The following ESF1 variants were observed in gnomAD, a reference collection of about 807,000 sequenced individuals.
ESF1 encodes the protein ESF1 homolog.
A neutral mutation model predicts 92.0 loss-of-function variants in ESF1; 58 were observed. The observed-to-expected ratio is 0.63, with a 90% CI of 0.51 to 0.78. The LOEUF (loss-of-function observed/expected upper bound fraction) is 0.78, where lower values mean the gene tolerates loss of function less well. ESF1 is among the 30% of genes least tolerant of loss of function. The pLI, the probability that ESF1 is intolerant of heterozygous loss-of-function variation, is 0.00. For missense variants in ESF1, 922 were observed against 989.1 expected, an observed-to-expected ratio of 0.93 and a Z score of 0.91; for synonymous variants, 321 against 313.7, an observed-to-expected ratio of 1.02 and a Z score of -0.24.
chr20:13,746,984 C>T (rs981156897), intron 9 of ESF1, among the ~76,000 whole-genome samples: 1 of 152,080 alleles, frequency 6.6e-6, no homozygotes, highest in African/African-American at 2.4e-5. Flanking sequence ...ATGGTAGACA[C>T]AATGACAATG....
At chr20:13,718,113 A>G (rs2147715410) in intron 12 of ESF1, among the ~76,000 whole-genome samples, 1 of 152,318 alleles carries the variant, frequency 6.6e-6, no homozygotes, top group East Asian at 1.9e-4. Context: ...GAATCAAGTA[A>G]ATAACCATGT....
chr20:13,778,277 G>T (rs148194084), intron 2 of ESF1, among the ~76,000 whole-genome samples: 121 of 152,206 alleles, frequency 7.9e-4, no homozygotes, highest in East Asian at 2.3e-3. Context: ...GCGCCAAAAT[G>T]AAAGCATTGT....
At position 13,733,740 on chromosome 20, in the gene ESF1, C is replaced by CT. The variant is rs1568712741; in HGVS notation, c.1930dup (p.Arg644LysfsTer11). The CT allele has an allele frequency of 1.2e-6, 2 of 1,611,654 alleles. No homozygotes were observed. Among genetic ancestry groups the CT allele is most frequent in the Non-Finnish European group, 1.7e-6 (2 of 1,179,464 alleles). ...TGATACCTTCTGTTTCCTTTTCAGT[C>CT]TTTTTTTCTCTTTCTTCTTCTCTAA... On this transcript the variant is annotated frameshift_variant, in exon 10 of 14. Transcript: ENST00000617257. LOFTEE classifies it high-confidence loss of function.
chr20:13,759,310 G>A (rs551201535), intron 9 of ESF1, among the ~76,000 whole-genome samples: 1 of 152,318 alleles, frequency 6.6e-6, no homozygotes, highest in East Asian at 1.9e-4. Flanking sequence ...CATATTTTGT[G>A]TTAGTGAAAC....
chr20:13,764,590 T>C (rs1226721606), intron 8 of ESF1, among the ~76,000 whole-genome samples: 1 of 152,210 alleles, frequency 6.6e-6, no homozygotes, highest in Non-Finnish European at 1.5e-5. Context: ...ATACAGTCAG[T>C]TAACACATAT....
intron 9 of ESF1, among the ~76,000 whole-genome samples, chr20:13,743,162 G>A (rs1369384773): frequency 2.0e-5 from 3 of 152,250 alleles, no homozygotes; most frequent in South Asian, 2.1e-4. Context: ...TCAACATCAC[G>A]AGTATCAGAG....
chr20:13,717,701 G>A (rs1042448662), intron 12 of ESF1, among the ~76,000 whole-genome samples, 187 bp from the exon 13 acceptor site: 2 of 152,120 alleles, frequency 1.3e-5, no homozygotes, highest in Admixed American at 6.6e-5. Flanking sequence ...ATAGCAATAA[G>A]GTAGAATCTC....
Position 13,728,388 on chromosome 20 carries a change from A to G in ESF1, c.2028T>C (p.Val676=), listed in dbSNP as rs765067411. The change falls in exon 11 of 14, where the codon GTT becomes GTC. Residue 676 remains valine, a synonymous_variant. Coordinates refer to ENST00000617257, the MANE Select transcript of ESF1 (RefSeq NM_001276380.2). The part of the protein sequence containing the change: ...DLNDPYFAEE[V]KQIGINKKSV... The stretch of plus-strand genomic sequence containing the variant: ...TATGAGCTGGCTTACCTATTTGTTT[A>G]ACTTCTTCAGCAAAGTATGGGTCAT... 6.2e-7 allele frequency: 1 copy of G among 1,611,724 alleles called. No individual in the cohort carries two copies. Among genetic ancestry groups the G allele is most frequent in the East Asian group, 2.2e-5 (1 of 44,764 alleles).
intron 11 of ESF1, among the ~76,000 whole-genome samples, chr20:13,724,474 T>C (rs2049888321): frequency 6.6e-6 from 1 of 152,206 alleles, no homozygotes; most frequent in Non-Finnish European, 1.5e-5. Flanking sequence ...GTTATAAGCA[T>C]GCTTCCACCT....
chr20:13,716,486 A>G (rs1263525867), intron 13 of ESF1, among the ~76,000 whole-genome samples: 2 of 152,172 alleles, frequency 1.3e-5, no homozygotes, highest in Non-Finnish European at 2.9e-5. Flanking sequence ...TTTTGGTACA[A>G]TATGGCTACC....
chr20:13,726,655 C>A (rs145655696), intron 11 of ESF1, among the ~76,000 whole-genome samples: 612 of 152,278 alleles, frequency 4.0e-3, no homozygotes, highest in East Asian at 0.012. Flanking sequence ...AACCAGACTC[C>A]ATGAGGGATG....
In ESF1 at chr20:13,770,064, T is replaced by C. The variant is rs768238270; in HGVS notation, c.1404-43A>G. The C allele has an allele frequency of 8.4e-6, 9 of 1,068,088 alleles. No individual in the cohort carries two copies. In the South Asian group the frequency reaches 1.2e-4, roughly 15 times the overall value. 66.2% of individuals were successfully genotyped at this position (1,068,088 alleles called of 1,614,324 possible). On this transcript the variant is annotated intron_variant, in intron 6 of 13. Transcript: ENST00000617257. ...AAAATTTATTTAAAATACGCTGCAG[T>C]GATAACCACAGTTTAGATTCTCATC...
At chr20:13,759,613 T>C in intron 9 of ESF1, 79 bp downstream of exon 9, 1 of 1,515,038 alleles carries the variant, frequency 6.6e-7, no homozygotes, top group Non-Finnish European at 8.7e-7. Context: ...ACCAAAACAT[T>C]TCCGGCTCCT....
chr20:13,718,926 A>C lies in ESF1; in HGVS notation c.2097T>G (p.Ile699Met), dbSNP rs2147716286. The change falls in exon 12 of 14, where the codon ATT (isoleucine) becomes ATG (methionine). Residue 699 changes from isoleucine to methionine, a missense_variant. Transcript: ENST00000617257. The part of the protein sequence containing the change: ...AKDGTSPEEE[I>M]EIERQKAEMA... ...ATTTTACCTTTTGTCTTTCTATTTC[A>C]ATTTCTTCTTCTGGAGATGTGCCAT... 1 of 1,603,154 alleles carries C rather than the reference A, an allele frequency of 6.2e-7. No individual in the cohort carries two copies. Among genetic ancestry groups the C allele is most frequent in the South Asian group, 1.1e-5 (1 of 89,292 alleles).
At chr20:13,738,592 G>T (rs1340710676) in intron 9 of ESF1, among the ~76,000 whole-genome samples, 2 of 152,174 alleles carry the variant, frequency 1.3e-5, no homozygotes, top group Non-Finnish European at 2.9e-5. Context: ...TGGGATTACG[G>T]TCATGAGCCA....
chr20:13,761,143 G>A (rs1414740879), intron 8 of ESF1, among the ~76,000 whole-genome samples: 1 of 151,974 alleles, frequency 6.6e-6, no homozygotes, highest in Non-Finnish European at 1.5e-5. Flanking sequence ...GATTAAAGGC[G>A]GTGTAAGATG....
chr20:13,740,501 ATATGAGT>A (rs2050005199), intron 9 of ESF1, among the ~76,000 whole-genome samples: 1 of 152,186 alleles, frequency 6.6e-6, no homozygotes, highest in African/African-American at 2.4e-5. Context: ...GGGATGGAAA[ATATGAGT>A]TATCAGATTC....
intron 10 of ESF1, among the ~76,000 whole-genome samples, chr20:13,730,385 C>CTTTTT (rs761416984): frequency 1.5e-5 from 2 of 134,192 alleles, no homozygotes; most frequent in Admixed American, 7.5e-5. Flanking sequence ...AGAACAAGTG[C>CTTTTT]TTTTTTTTTT....
chr20:13,750,113 A>C (rs1978560995), intron 9 of ESF1, among the ~76,000 whole-genome samples: 1 of 152,242 alleles, frequency 6.6e-6, no homozygotes, highest in Non-Finnish European at 1.5e-5. Context: ...AAAGACATTG[A>C]GAAAGGCTGC....
Sources: gnomAD v4.1 joint callset for allele counts (sites outside exome capture counted in the v4.1 genomes callset) on GRCh38, gnomAD v4.1.1 for gene constraint, MANE v1.5 for transcripts, NCBI Gene and HGNC (gene_info 2026-07-23, HGNC 2026-07-21) for gene names.